The following DISC1 variants were observed in gnomAD, a reference collection of about 807,000 sequenced individuals.
DISC1 encodes the protein DISC1 scaffold protein.
Under a neutral mutation model 84.5 loss-of-function variants are expected in DISC1, and 57 were observed. That is an observed-to-expected ratio of 0.67 (90% CI 0.55 to 0.84). The LOEUF is 0.84. Among genes scored for constraint, DISC1 ranks in the 40% least tolerant of loss-of-function variants. DISC1 has a pLI of 0.00. For missense variants in DISC1, 1,000 were observed against 1,057.8 expected, an observed-to-expected ratio of 0.95 and a Z score of 0.76; for synonymous variants, 411 against 415.2, an observed-to-expected ratio of 0.99 and a Z score of 0.12.
chr1:231,844,379 TG>T (rs1558641552), intron 9 of DISC1, among the ~76,000 whole-genome samples: 1 of 152,156 alleles, frequency 6.6e-6, no homozygotes, highest in East Asian at 1.9e-4. Context: ...GGACAAGGTA[TG>T]GGGGTGGCGC....
At position 231,969,958 on chromosome 1, in the gene DISC1, C is replaced by T. The variant is rs149828355; in HGVS notation, c.2042+11070C>T. On this transcript the variant is annotated intron_variant, in intron 10 of 12. Coordinates refer to ENST00000439617, the MANE Select transcript of DISC1 (RefSeq NM_018662.3). ...CCTTTTTTATGGCTGCATAGTATTCCATAGTGTATATGTGCCACATTTTCT... is the reference window on the plus strand; with the variant it reads ...CCTTTTTTATGGCTGCATAGTATTCTATAGTGTATATGTGCCACATTTTCT... 1.0e-2 allele frequency among the ~76,000 whole-genome samples: 1,518 copies of T among 152,244 alleles called. 26 individuals carry two copies. Among genetic ancestry groups the T allele is most frequent in the African/African-American group, 0.035 (1,434 of 41,516 alleles).
chr1:231,906,711 T>C (rs1414477228), intron 9 of DISC1, among the ~76,000 whole-genome samples: 1 of 151,840 alleles, frequency 6.6e-6, no homozygotes, highest in Non-Finnish European at 1.5e-5. Context: ...TTGCCCTTAT[T>C]GCTCCACCGT....
intron 9 of DISC1, among the ~76,000 whole-genome samples, chr1:231,937,741 C>T (rs140691540): frequency 0.022 from 3,370 of 151,976 alleles, 52 homozygotes; most frequent in South Asian, 0.042. Context: ...GACCCGGCTT[C>T]GATGGGGTGG....
In DISC1 at chr1:231,756,516, C is replaced by CGAGAGAGAGAGAGAGA. The variant is rs60818301; in HGVS notation, c.1268+6473_1268+6488dup. On this transcript the variant is annotated intron_variant, in intron 4 of 12. Transcript: ENST00000439617. Reference sequence around the variant, plus strand: ...GGTTCACAAACGTATATGTGAATATCGAGAGAGAGAGAGAGAGAGAGAGAG... The same window carrying CGAGAGAGAGAGAGAGA: ...GGTTCACAAACGTATATGTGAATATCGAGAGAGAGAGAGAGAGAGAGAGAGAGAGAGAGAGAGAGAG... Among the ~76,000 whole-genome samples the CGAGAGAGAGAGAGAGA allele has an allele frequency of 6.4e-4, 85 of 133,526 alleles. 2 individuals are homozygous for CGAGAGAGAGAGAGAGA. Among genetic ancestry groups the CGAGAGAGAGAGAGAGA allele is most frequent in the African/African-American group, 2.2e-3 (76 of 33,986 alleles). The allele number at this position is 133,526 out of a possible 152,430, so 87.6% of individuals were successfully genotyped here.
At chr1:231,843,198 A>G (rs576578619) in intron 9 of DISC1, among the ~76,000 whole-genome samples, 23 of 152,220 alleles carry the variant, frequency 1.5e-4, no homozygotes, top group Non-Finnish European at 2.5e-4. Flanking sequence ...GGAGAAAAGT[A>G]TGGAAAGCCC....
intron 9 of DISC1, among the ~76,000 whole-genome samples, chr1:231,902,366 C>T (rs546378571): frequency 2.0e-5 from 3 of 151,992 alleles, no homozygotes; most frequent in South Asian, 4.2e-4. Context: ...TATGGGAGGC[C>T]GAGGTGGGCA....
At chr1:231,891,099 A>G (rs957818357) in intron 9 of DISC1, among the ~76,000 whole-genome samples, 6 of 152,122 alleles carry the variant, frequency 3.9e-5, no homozygotes, top group Admixed American at 3.9e-4. Context: ...CCTGCCTTCT[A>G]CTGTTTACAA....
intron 9 of DISC1, among the ~76,000 whole-genome samples, chr1:231,904,787 C>T (rs914915062): frequency 1.3e-5 from 2 of 152,038 alleles, no homozygotes; most frequent in Non-Finnish European, 2.9e-5. Flanking sequence ...TGAGCTAGAG[C>T]CCTGTTGATG....
At chr1:232,023,231 T>A (rs1669130934) in intron 11 of DISC1, among the ~76,000 whole-genome samples, 2 of 152,226 alleles carry the variant, frequency 1.3e-5, no homozygotes, top group Non-Finnish European at 2.9e-5. Flanking sequence ...AGTTATTTCA[T>A]CATCATTAAA....
intron 3 of DISC1, among the ~76,000 whole-genome samples, chr1:231,737,376 C>T (rs988696570): frequency 6.6e-6 from 1 of 152,174 alleles, no homozygotes; most frequent in South Asian, 2.1e-4. Flanking sequence ...TTCTTTTAGT[C>T]AGATGGGTTC....
At chr1:231,712,293 G>A (rs986970332) in intron 3 of DISC1, among the ~76,000 whole-genome samples, 1 of 152,188 alleles carries the variant, frequency 6.6e-6, no homozygotes, top group Non-Finnish European at 1.5e-5. Context: ...GTAAGTTTGT[G>A]GTAATTAGTT....
intron 3 of DISC1, among the ~76,000 whole-genome samples, chr1:231,718,344 C>T (rs1004772698): frequency 6.6e-6 from 1 of 152,174 alleles, no homozygotes; most frequent in East Asian, 1.9e-4. Context: ...TTAAATATGG[C>T]CTGCCATAAC....
chr1:231,726,503 A>G (rs1214523619), intron 3 of DISC1, among the ~76,000 whole-genome samples: 1 of 152,198 alleles, frequency 6.6e-6, no homozygotes, highest in Non-Finnish European at 1.5e-5. Flanking sequence ...CCAGTTTACC[A>G]GTGGGGAAAT....
Position 232,031,349 on chromosome 1 carries a change from G to T in DISC1, c.2425+4797G>T, listed in dbSNP as rs575296990. Among the ~76,000 whole-genome samples, 8 of 140,394 alleles carry T rather than the reference G, an allele frequency of 5.7e-5. No homozygotes were observed. Among genetic ancestry groups the T allele is most frequent in the African/African-American group, 2.1e-4 (8 of 38,080 alleles). The allele number at this position is 140,394 out of a possible 152,430, so 92.1% of individuals were successfully genotyped here. A position where few individuals can be genotyped will look rare whatever the true frequency, so the allele number is the denominator to read the frequency against. ...AGGAAAGGAAAAGGAAAAGAGGAAA[G>T]AAAAGGAAAGGGAAGGGAGAGGGAA... is the stretch of plus-strand genomic sequence containing the variant. On this transcript the variant is annotated intron_variant, in intron 12 of 12. Transcript: ENST00000439617. The surrounding 1 kb of genome is among the most constrained non-coding windows in gnomAD (Gnocchi z 4.6).
intron 2 of DISC1, 41 bp from the exon 3 acceptor site, chr1:231,701,914 C>A: frequency 2.0e-6 from 3 of 1,509,416 alleles, no homozygotes; most frequent in South Asian, 2.4e-5. Context: ...TGCTTGAATT[C>A]TATTGTAATT....
intron 8 of DISC1, among the ~76,000 whole-genome samples, chr1:231,805,163 T>G (rs561071591): frequency 6.6e-6 from 1 of 152,316 alleles, no homozygotes; most frequent in East Asian, 1.9e-4. Flanking sequence ...TAAGTGTGTT[T>G]TAGTCACCTC....
Position 231,817,971 on chromosome 1 carries a change from T to C in DISC1, c.1793-358T>C, listed in dbSNP as rs1212394620. ...AGTCCCCTTCCACACTGCTATAATATGTCATCTCTTTGACATTTGTATATT... is the reference window on the plus strand; with the variant it reads ...AGTCCCCTTCCACACTGCTATAATACGTCATCTCTTTGACATTTGTATATT... On this transcript the variant is annotated intron_variant, in intron 8 of 12. Transcript: ENST00000439617. Among the ~76,000 whole-genome samples, 3 of 152,360 alleles carry C rather than the reference T, an allele frequency of 2.0e-5. No individual in the cohort carries two copies. In the East Asian group the frequency reaches 5.8e-4, roughly 29 times the overall value.
intron 10 of DISC1, among the ~76,000 whole-genome samples, chr1:232,003,836 C>T (rs1667013691): frequency 6.6e-6 from 1 of 151,840 alleles, no homozygotes; most frequent in African/African-American, 2.4e-5. Flanking sequence ...CTTGAATTAA[C>T]AAGGGAACCA....
intron 4 of DISC1, chr1:231,750,646 G>A: frequency 1.0e-6 from 1 of 960,644 alleles, no homozygotes. Context: ...CAATGTCCAG[G>A]CTCCTCCCCA....
Sources: allele counts gnomAD v4.1 joint callset (sites outside exome capture counted in the v4.1 genomes callset), GRCh38; gene constraint gnomAD v4.1.1; non-coding constraint Gnocchi (gnomAD v3.1); transcripts MANE v1.5; gene names NCBI Gene and HGNC (gene_info 2026-07-23, HGNC 2026-07-21).